Variants in PCDH7 observed in about 807,000 individuals in gnomAD.
The protein encoded by PCDH7 is protocadherin 7.
A neutral mutation model predicts 58.9 loss-of-function variants in PCDH7; 17 were observed. That is an observed-to-expected ratio of 0.29 (90% CI 0.20 to 0.43). PCDH7 has a LOEUF of 0.43. Ranked by LOEUF, PCDH7 falls within the 20% of genes least tolerant of loss-of-function variation. PCDH7 has a pLI of 1.00. For missense variants in PCDH7, 1,274 were observed against 1,441.0 expected, an observed-to-expected ratio of 0.88 and a Z score of 1.88; for synonymous variants, 664 against 616.4, an observed-to-expected ratio of 1.08 and a Z score of -1.14.
At chr4:30,873,713 T>A (rs1735911382) in intron 1 of PCDH7, among the ~76,000 whole-genome samples, 2 of 152,084 alleles carry the variant, frequency 1.3e-5, no homozygotes, top group African/African-American at 4.8e-5. Flanking sequence ...ATGTTGAATA[T>A]GGCATGCAAT....
At chr4:31,091,332 G>A (rs1179165546) in intron 3 of PCDH7, among the ~76,000 whole-genome samples, 3 of 151,710 alleles carry the variant, frequency 2.0e-5, no homozygotes, top group East Asian at 3.9e-4. Context: ...TATTAAAATA[G>A]CTACATGACA....
intron 3 of PCDH7, among the ~76,000 whole-genome samples, chr4:31,028,713 C>A (rs1275619870): frequency 1.3e-5 from 2 of 150,528 alleles, no homozygotes; most frequent in Non-Finnish European, 3.0e-5. Flanking sequence ...ATTGAGGTAA[C>A]ATTTTAAATT....
chr4:31,003,695 C>T (rs937607114), intron 3 of PCDH7, among the ~76,000 whole-genome samples: 12 of 151,382 alleles, frequency 7.9e-5, no homozygotes, highest in African/African-American at 2.9e-4. Flanking sequence ...ATCACGAGGT[C>T]AGGATATCGA....
chr4:30,754,175 TGTGTGTGTGTG>T (rs1560334294), intron 1 of PCDH7, among the ~76,000 whole-genome samples: 1 of 151,434 alleles, frequency 6.6e-6, no homozygotes, highest in Non-Finnish European at 1.5e-5. Flanking sequence ...TGTGTGTGTG[TGTGTGTGTGTG>T]TGTTTTTTCT....
chr4:31,090,089 A>T, intron 3 of PCDH7, among the ~76,000 whole-genome samples: 1 of 152,112 alleles, frequency 6.6e-6, no homozygotes, highest in Non-Finnish European at 1.5e-5. Context: ...CCAAATGCCA[A>T]GTCAGCAGGC....
chr4:30,743,451 C>G (rs914183083), intron 1 of PCDH7, among the ~76,000 whole-genome samples: 1 of 150,642 alleles, frequency 6.6e-6, no homozygotes, highest in Non-Finnish European at 1.5e-5. Context: ...ATCACTTAAG[C>G]TGGTTTCTTG....
rs1030720668 is a variant in PCDH7 at position 31,016,027 on chromosome 4, G to A, written c.*7+65812G>A. On this transcript the variant is annotated intron_variant, in intron 3 of 3. Coordinates refer to the PCDH7 transcript ENST00000509759. ...AAGATGGGCCTGGAATGGCGGATGA[G>A]TTTAATATAATTCATTTTATTTTAT... 1.3e-4 allele frequency among the ~76,000 whole-genome samples: 20 copies of A among 152,296 alleles called. No homozygotes were observed. In the East Asian group the frequency reaches 3.7e-3, roughly 28 times the overall value.
intron 3 of PCDH7, among the ~76,000 whole-genome samples, chr4:31,019,896 A>G (rs1265287644): frequency 6.6e-6 from 1 of 151,878 alleles, no homozygotes. Context: ...GGAGCTGGGG[A>G]TATTGTTTTG....
intron 1 of PCDH7, among the ~76,000 whole-genome samples, chr4:30,906,178 G>T (rs930035450): frequency 6.6e-6 from 1 of 152,096 alleles, no homozygotes; most frequent in Non-Finnish European, 1.5e-5. Context: ...CTCAATAAGT[G>T]AACAAAGTCT....
At chr4:30,748,919 A>G (rs1270251396) in intron 1 of PCDH7, among the ~76,000 whole-genome samples, 1 of 152,170 alleles carries the variant, frequency 6.6e-6, no homozygotes, top group Non-Finnish European at 1.5e-5. Context: ...TAAAGGAAAT[A>G]AGATGTAGTT....
chr4:30,850,875 C>T (rs1436379104), intron 1 of PCDH7, among the ~76,000 whole-genome samples: 3 of 152,076 alleles, frequency 2.0e-5, no homozygotes, highest in South Asian at 2.1e-4. Flanking sequence ...CACTGTTCTT[C>T]GGATACCAGG....
chr4:30,922,920 A>G (rs542339048), intron 2 of PCDH7, among the ~76,000 whole-genome samples: 2 of 152,254 alleles, frequency 1.3e-5, no homozygotes, highest in East Asian at 1.9e-4. Flanking sequence ...ATAAAGTGCA[A>G]TTGTGTTGCT....
chr4:30,912,399 A>C (rs1310417085), intron 1 of PCDH7, among the ~76,000 whole-genome samples: 1 of 152,228 alleles, frequency 6.6e-6, no homozygotes, highest in African/African-American at 2.4e-5. Flanking sequence ...AATGAAATGC[A>C]GCACTCCTTA....
At chr4:31,035,697 T>A (rs560851768) in intron 3 of PCDH7, among the ~76,000 whole-genome samples, 42 of 152,338 alleles carry the variant, frequency 2.8e-4, no homozygotes, top group Admixed American at 1.3e-3. Flanking sequence ...AGTGCCACCA[T>A]GTAATTAAGC....
intron 1 of PCDH7, among the ~76,000 whole-genome samples, chr4:30,796,979 T>A (rs1006628988): frequency 1.3e-5 from 2 of 152,012 alleles, no homozygotes; most frequent in East Asian, 1.9e-4. Flanking sequence ...CTTTTTTTTT[T>A]AAATGGAGTC....
chr4:30,740,313 G>A (rs1464704586), intron 1 of PCDH7, among the ~76,000 whole-genome samples: 4 of 152,150 alleles, frequency 2.6e-5, no homozygotes, highest in Non-Finnish European at 5.9e-5. Context: ...CTATGTTCTT[G>A]AAATTAGGTC....
chr4:30,997,267 T>C (rs1751980710), intron 3 of PCDH7, among the ~76,000 whole-genome samples: 1 of 152,130 alleles, frequency 6.6e-6, no homozygotes, highest in South Asian at 2.1e-4. Context: ...AAATGGTTAT[T>C]TTAGAAAGTA....
intron 3 of PCDH7, among the ~76,000 whole-genome samples, chr4:30,972,971 A>T (rs180672989): frequency 1.3e-5 from 2 of 152,362 alleles, no homozygotes; most frequent in East Asian, 3.9e-4. Flanking sequence ...CTAGATGAGG[A>T]ATAAATATTC....
intron 3 of PCDH7, among the ~76,000 whole-genome samples, chr4:31,116,924 C>T (rs779736674): frequency 6.6e-6 from 1 of 152,158 alleles, no homozygotes; most frequent in Non-Finnish European, 1.5e-5. Flanking sequence ...CAACCTCTGC[C>T]TCCTGGGTTC....
Sources: gnomAD v4.1 joint callset for allele counts (sites outside exome capture counted in the v4.1 genomes callset) on GRCh38, gnomAD v4.1.1 for gene constraint, MANE v1.5 for transcripts, NCBI Gene and HGNC (gene_info 2026-07-23, HGNC 2026-07-21) for gene names.